The following TMEM132C variants were observed in gnomAD, a reference collection of about 807,000 sequenced individuals.
The protein encoded by TMEM132C is transmembrane protein 132C.
Under a neutral mutation model 61.4 loss-of-function variants are expected in TMEM132C, and 29 were observed. The ratio of observed to expected loss-of-function variants is 0.47; its 90% CI spans 0.35 to 0.64. The LOEUF (loss-of-function observed/expected upper bound fraction) is 0.64. Ranked by LOEUF, TMEM132C falls within the 30% of genes least tolerant of loss-of-function variation. The probability of loss-of-function intolerance (pLI) is 0.00; values close to 1 mark genes in which losing one functional copy is unlikely to be tolerated. For missense variants in TMEM132C, 1,408 were observed against 1,476.9 expected (o/e 0.95, Z 0.76); for synonymous variants, 656 against 633.1 (o/e 1.04, Z -0.54).
At chr12:128,426,223 G>A (rs1869178098) in intron 2 of TMEM132C, among the ~76,000 whole-genome samples, 1 of 152,220 alleles carries the variant, frequency 6.6e-6, no homozygotes, top group South Asian at 2.1e-4. Flanking sequence ...TAATTACTGA[G>A]CACAGTCTGC....
At chr12:128,345,194 A>G (rs1391729891) in intron 1 of TMEM132C, among the ~76,000 whole-genome samples, 1 of 152,104 alleles carries the variant, frequency 6.6e-6, no homozygotes, top group Non-Finnish European at 1.5e-5. Context: ...GCTAAGGATA[A>G]TGGCCTCTAG....
intron 3 of TMEM132C, among the ~76,000 whole-genome samples, chr12:128,561,257 C>T (rs774575043): frequency 6.6e-6 from 1 of 152,240 alleles, no homozygotes; most frequent in Non-Finnish European, 1.5e-5. Flanking sequence ...GCAAGAACTT[C>T]ATGGCTTTGC....
intron 4 of TMEM132C, among the ~76,000 whole-genome samples, chr12:128,659,260 G>C (rs1023502250): frequency 6.6e-6 from 1 of 152,144 alleles, no homozygotes; most frequent in African/African-American, 2.4e-5. Flanking sequence ...ACAGGAATTG[G>C]CTCCTGTGTC....
rs1386574784 is a variant in TMEM132C at position 128,616,223 on chromosome 12, C to T, written c.1193C>T (p.Thr398Ile). ...GCCAGTTTCAGCAGCCTTTCAGGGA[C>T]TCAGCCCATCACGTGGCAGGTGGAG... The part of the protein sequence containing the change: ...EIASFSSLSG[T>I]QPITWQVEYP... Residue 398 changes from threonine (T) to isoleucine (I), a missense_variant, in exon 4 of 9, where the codon ACT (threonine) becomes ATT (isoleucine). Transcript: ENST00000435159. 6.4e-7 allele frequency: 1 copy of T among 1,551,802 alleles called. No individual in the cohort carries two copies. The highest frequency in any genetic ancestry group is 8.7e-7 in the Non-Finnish European group (1 of 1,147,012).
chr12:128,671,138 A>G (rs1487664884), intron 5 of TMEM132C, among the ~76,000 whole-genome samples: 1 of 152,204 alleles, frequency 6.6e-6, no homozygotes, highest in African/African-American at 2.4e-5. Context: ...AGCCACTCAA[A>G]TTCACTTCCA....
At chr12:128,475,400 T>A (rs1871124631) in intron 2 of TMEM132C, among the ~76,000 whole-genome samples, 1 of 152,002 alleles carries the variant, frequency 6.6e-6, no homozygotes, top group Non-Finnish European at 1.5e-5. Flanking sequence ...CAGGTTTTGG[T>A]AGGGGAAGAA....
At chr12:128,547,450 G>A (rs1035711279) in intron 3 of TMEM132C, among the ~76,000 whole-genome samples, 1 of 151,372 alleles carries the variant, frequency 6.6e-6, no homozygotes, top group Admixed American at 6.6e-5. Flanking sequence ...TGTAGTCCCA[G>A]CTACTCGGGA....
chr12:128,423,679 G>A (rs1418232676), intron 2 of TMEM132C, among the ~76,000 whole-genome samples: 4 of 151,942 alleles, frequency 2.6e-5, no homozygotes, highest in African/African-American at 9.7e-5. Flanking sequence ...AGTCCAGCCT[G>A]GGCAACATAG....
At chr12:128,529,596 C>T (rs1873212770) in intron 2 of TMEM132C, among the ~76,000 whole-genome samples, 1 of 152,116 alleles carries the variant, frequency 6.6e-6, no homozygotes, top group Non-Finnish European at 1.5e-5. Context: ...CCAGCCTGAT[C>T]AAAATGGTGA....
At chr12:128,572,898 T>C (rs565555659) in intron 3 of TMEM132C, among the ~76,000 whole-genome samples, 3 of 152,308 alleles carry the variant, frequency 2.0e-5, no homozygotes, top group East Asian at 1.9e-4. Flanking sequence ...AAAACCACAA[T>C]GAGATACCAT....
At position 128,368,474 on chromosome 12, in the gene TMEM132C, G is replaced by A. The variant is rs115662528; in HGVS notation, c.86-46258G>A. 2.2e-3 allele frequency among the ~76,000 whole-genome samples: 333 copies of A among 152,316 alleles called. 2 individuals are homozygous for A. The highest frequency in any genetic ancestry group is 7.2e-3 in the African/African-American group (298 of 41,576). On this transcript the variant is annotated intron_variant, in intron 1 of 8. Coordinates refer to ENST00000435159, the MANE Select transcript of TMEM132C (RefSeq NM_001136103.3). The stretch of plus-strand genomic sequence containing the variant: ...CCTAAAGTAGCGAAGATGATAAGAA[G>A]GTCCTCCTGGGCTTAGTGAAAGGGT...
intron 4 of TMEM132C, among the ~76,000 whole-genome samples, chr12:128,667,968 CT>C (rs1461292258): frequency 3.9e-5 from 6 of 152,162 alleles, no homozygotes; most frequent in Non-Finnish European, 7.4e-5. Context: ...TTGCTTTAGT[CT>C]TCATTTTTTA....
chr12:128,323,562 C>T (rs1245966489), intron 1 of TMEM132C, among the ~76,000 whole-genome samples: 2 of 152,210 alleles, frequency 1.3e-5, no homozygotes, highest in East Asian at 3.8e-4. Flanking sequence ...ATAACATTGG[C>T]TCCTTTCACC....
At chr12:128,586,099 A>G (rs1455146366) in intron 3 of TMEM132C, among the ~76,000 whole-genome samples, 1 of 152,142 alleles carries the variant, frequency 6.6e-6, no homozygotes, top group East Asian at 1.9e-4. Flanking sequence ...ACGGGAATAT[A>G]TGTATCAATG....
At chr12:128,680,843 T>G (rs1439255016) in intron 5 of TMEM132C, among the ~76,000 whole-genome samples, 1 of 152,166 alleles carries the variant, frequency 6.6e-6, no homozygotes, top group African/African-American at 2.4e-5. Context: ...TGAGTCAGAT[T>G]TTACTTGAGC....
chr12:128,326,282 C>G lies in TMEM132C; in HGVS notation c.85+58795C>G, dbSNP rs1176924875. Among the ~76,000 whole-genome samples the G allele has an allele frequency of 1.3e-5, 2 of 152,184 alleles. No individual in the cohort carries two copies. ...CACCACCATCACTCCATGAACCCCC[C>G]AGCCTCCCTGGGCTCTTCTCCGTGT... On this transcript the variant is annotated intron_variant, in intron 1 of 8. Transcript: ENST00000435159. This position sits in a 1 kb window ranked among gnomAD's most constrained non-coding sequence, Gnocchi z 5.6.
At chr12:128,604,340 A>G (rs998690536) in intron 3 of TMEM132C, among the ~76,000 whole-genome samples, 11 of 151,972 alleles carry the variant, frequency 7.2e-5, no homozygotes, top group South Asian at 4.2e-4. Context: ...GGATAGAAAG[A>G]TGGATGGATA....
intron 2 of TMEM132C, among the ~76,000 whole-genome samples, chr12:128,422,784 A>AG (rs1264970106): frequency 6.6e-6 from 1 of 152,202 alleles, no homozygotes; most frequent in African/African-American, 2.4e-5. Flanking sequence ...TCTACTCAGT[A>AG]GAAAAAGTCC....
intron 6 of TMEM132C, 22 bp from the exon 7 acceptor site, chr12:128,695,808 G>C (rs1190736154): frequency 1.3e-6 from 2 of 1,521,102 alleles, no homozygotes; most frequent in Non-Finnish European, 1.8e-6. Flanking sequence ...GGATCTGAGA[G>C]CTCTTTGTCC....
Sources: gnomAD v4.1 joint callset for allele counts (sites outside exome capture counted in the v4.1 genomes callset) on GRCh38, gnomAD v4.1.1 for gene constraint, Gnocchi (gnomAD v3.1) non-coding constraint, MANE v1.5 for transcripts, NCBI Gene and HGNC (gene_info 2026-07-23, HGNC 2026-07-21) for gene names.